The following FIGN variants were observed in gnomAD, a reference collection of about 807,000 sequenced individuals.
FIGN encodes fidgetin, microtubule severing factor.
Under a neutral mutation model 51.3 loss-of-function variants are expected in FIGN, and 11 were observed. The observed-to-expected ratio is 0.21, with a 90% confidence interval of 0.13 to 0.35. FIGN has a LOEUF of 0.35. FIGN is among the 10% of genes least tolerant of loss of function. The pLI, the probability that FIGN is intolerant of heterozygous loss-of-function variation, is 1.00. For missense variants in FIGN, 857 were observed against 943.6 expected (o/e 0.91, Z 1.20); for synonymous variants, 407 against 363.2 (o/e 1.12, Z -1.37).
In FIGN at chr2:163,604,194, T is replaced by G. The variant is rs1290423499; in HGVS notation, c.*5358A>C. On this transcript the variant is annotated 3_prime_UTR_variant, in exon 3 of 3. Coordinates refer to ENST00000333129, the MANE Select transcript of FIGN (RefSeq NM_018086.4). Reference sequence around the variant, plus strand: ...AAATAGTTAAGTACCATTATTTCTCTTAAATTTAGGAGCTGAGGGTGTCAG... The same window carrying G: ...AAATAGTTAAGTACCATTATTTCTCGTAAATTTAGGAGCTGAGGGTGTCAG... 2 of 152,122 alleles carry G rather than the reference T, an allele frequency of 1.3e-5. No individual in the cohort carries two copies. The highest frequency in any genetic ancestry group is 4.8e-5 in the African/African-American group (2 of 41,450). The allele number at this position is 152,122 out of a possible 1,614,324, so 9.4% of individuals were successfully genotyped here.
chr2:163,649,990 A>G (rs1683445731), intron 2 of FIGN, among the ~76,000 whole-genome samples: 1 of 152,190 alleles, frequency 6.6e-6, no homozygotes, highest in South Asian at 2.1e-4. Flanking sequence ...CCAGACTTGG[A>G]AGAAAGATTT....
chr2:163,704,379 G>A (rs995017572), intron 2 of FIGN, among the ~76,000 whole-genome samples: 10 of 152,096 alleles, frequency 6.6e-5, no homozygotes, highest in Admixed American at 2.6e-4. Flanking sequence ...ATGATGACAC[G>A]TCAGTTTCAG....
intron 2 of FIGN, among the ~76,000 whole-genome samples, chr2:163,704,937 A>G (rs1329953646): frequency 9.2e-5 from 14 of 152,134 alleles, no homozygotes; most frequent in Non-Finnish European, 2.1e-4. Context: ...TCCAGTGAGT[A>G]CACAAGAGGT....
intron 2 of FIGN, among the ~76,000 whole-genome samples, chr2:163,708,630 G>A (rs1331190125): frequency 6.6e-6 from 1 of 152,116 alleles, no homozygotes; most frequent in East Asian, 1.9e-4. Context: ...TATTGTTTCT[G>A]TCTTTTAAAA....
intron 2 of FIGN, among the ~76,000 whole-genome samples, chr2:163,635,955 T>G (rs1683217804): frequency 6.6e-6 from 1 of 152,220 alleles, no homozygotes; most frequent in Non-Finnish European, 1.5e-5. Context: ...GATATATAGA[T>G]GGATAGCCAT....
intron 2 of FIGN, among the ~76,000 whole-genome samples, chr2:163,620,007 T>C (rs1380033244): frequency 6.6e-6 from 1 of 152,154 alleles, no homozygotes; most frequent in African/African-American, 2.4e-5. Flanking sequence ...ACTGTGTATA[T>C]TCTATGGTAA....
intron 2 of FIGN, among the ~76,000 whole-genome samples, chr2:163,666,504 A>G (rs1362337813): frequency 1.3e-5 from 2 of 152,168 alleles, no homozygotes; most frequent in South Asian, 2.1e-4. Context: ...CTAGGCTCCA[A>G]TGCTTATTCC....
intron 2 of FIGN, among the ~76,000 whole-genome samples, chr2:163,730,425 T>C (rs1019346215): frequency 6.6e-6 from 1 of 152,166 alleles, no homozygotes; most frequent in African/African-American, 2.4e-5. Flanking sequence ...ACTGGCCATT[T>C]ATTTGCAGTG....
intron 2 of FIGN, among the ~76,000 whole-genome samples, chr2:163,687,036 T>C (rs1344550048): frequency 1.3e-5 from 2 of 151,786 alleles, no homozygotes; most frequent in Non-Finnish European, 2.9e-5. Flanking sequence ...CACACACACA[T>C]ACATGCACAG....
chr2:163,613,131 G>A (rs1454427223), intron 2 of FIGN, among the ~76,000 whole-genome samples: 4 of 151,962 alleles, frequency 2.6e-5, no homozygotes, highest in African/African-American at 9.7e-5. Context: ...ATGTACCCTC[G>A]AGGTCTCACA....
intron 2 of FIGN, chr2:163,612,515 G>A (rs191840082): frequency 1.3e-5 from 13 of 984,890 alleles, no homozygotes; most frequent in East Asian, 1.1e-4. Context: ...CGCTTTCATC[G>A]CACAAAGCCT....
chr2:163,713,421 TACAC>T (rs1314737823), intron 2 of FIGN, among the ~76,000 whole-genome samples: 1 of 151,356 alleles, frequency 6.6e-6, no homozygotes, highest in Non-Finnish European at 1.5e-5. Context: ...ATATGAGACA[TACAC>T]ACACAGATGT....
chr2:163,611,096 T>C lies in FIGN; in HGVS notation c.736A>G (p.Ser246Gly). 6.2e-7 allele frequency: 1 copy of C among 1,614,064 alleles called. No individual in the cohort carries two copies. Among genetic ancestry groups the C allele is most frequent in the Non-Finnish European group, 8.5e-7 (1 of 1,179,998 alleles). ...YNGTSNLSSY[S>G]YPSASYPPQT... ...GGAGGATAGCTAGCAGACGGATAGC[T>C]GTAACTGGAGAGGTTAGAAGTCCCA... Residue 246 changes from serine (S) to glycine (G), a missense_variant, in exon 3 of 3, where the codon AGC (serine) becomes GGC (glycine). Physicochemically the swap from Ser to Gly is moderately conservative, Grantham distance 56 (BLOSUM62 0). Transcript: ENST00000333129.
intron 2 of FIGN, among the ~76,000 whole-genome samples, chr2:163,637,339 A>G (rs1237702911): frequency 6.6e-6 from 1 of 152,204 alleles, no homozygotes; most frequent in African/African-American, 2.4e-5. Context: ...GGTTTAAAAA[A>G]ATCTTCCCAC....
At chr2:163,704,682 ACAC>A in intron 2 of FIGN, among the ~76,000 whole-genome samples, 3 of 149,460 alleles carry the variant, frequency 2.0e-5, no homozygotes, top group Non-Finnish European at 4.4e-5. Flanking sequence ...ACACACACAC[ACAC>A]ACACAGTGCT....
At chr2:163,673,204 TA>T (rs1158957491) in intron 2 of FIGN, among the ~76,000 whole-genome samples, 1 of 152,044 alleles carries the variant, frequency 6.6e-6, no homozygotes, top group Non-Finnish European at 1.5e-5. Context: ...AAAGTGTAAA[TA>T]AACACCTACC....
intron 2 of FIGN, among the ~76,000 whole-genome samples, chr2:163,728,127 T>C (rs1039728845): frequency 6.6e-6 from 1 of 152,230 alleles, no homozygotes; most frequent in African/African-American, 2.4e-5. Context: ...AATGTCCACG[T>C]ATCAATACTG....
chr2:163,645,917 C>T (rs1322760276), intron 2 of FIGN, among the ~76,000 whole-genome samples: 2 of 152,180 alleles, frequency 1.3e-5, no homozygotes, highest in Admixed American at 6.5e-5. Flanking sequence ...TATTTCACTT[C>T]TGCCTGTAAG....
At chr2:163,679,873 T>C (rs953073793) in intron 2 of FIGN, among the ~76,000 whole-genome samples, 1 of 152,232 alleles carries the variant, frequency 6.6e-6, no homozygotes, top group African/African-American at 2.4e-5. Context: ...AAACTGTGAA[T>C]AGTAGAACTT....
Sources: allele counts gnomAD v4.1 joint callset (sites outside exome capture counted in the v4.1 genomes callset), GRCh38; gene constraint gnomAD v4.1.1; transcripts MANE v1.5; gene names NCBI Gene and HGNC (gene_info 2026-07-23, HGNC 2026-07-21).